Variants in CLEC5A observed in about 807,000 individuals in gnomAD.
CLEC5A encodes C-type lectin domain containing 5A.
In CLEC5A, 15 loss-of-function variants were observed where a neutral mutation model predicts 24.4. That is an observed-to-expected ratio of 0.62 (90% CI 0.41 to 0.95). The LOEUF (loss-of-function observed/expected upper bound fraction) is 0.95. Among genes scored for constraint, CLEC5A ranks in the 40% least tolerant of loss-of-function variants. CLEC5A has a pLI of 0.00. For synonymous variants in CLEC5A, 71 were observed against 72.6 expected, an observed-to-expected ratio of 0.98 and a Z score of 0.11; for missense variants, 211 against 224.0, an observed-to-expected ratio of 0.94 and a Z score of 0.37.
At chr7:141,940,863 A>G (rs541334548) in intron 4 of CLEC5A, among the ~76,000 whole-genome samples, 1 of 152,140 alleles carries the variant, frequency 6.6e-6, no homozygotes, top group East Asian at 1.9e-4. Context: ...CATACAACCT[A>G]CCAAGATTAA....
Position 141,946,917 on chromosome 7 carries a change from C to T in CLEC5A, c.-131G>A, listed in dbSNP as rs1802972749. 6.6e-6 allele frequency: 1 copy of T among 152,268 alleles called. No individual in the cohort carries two copies. The highest frequency in any genetic ancestry group is 2.4e-5 in the African/African-American group (1 of 41,422). The allele number at this position is 152,268 out of a possible 1,614,324, so 9.4% of individuals were successfully genotyped here. A position where few individuals can be genotyped will look rare whatever the true frequency, so the allele number is the denominator to read the frequency against. On this transcript the variant is annotated 5_prime_UTR_variant, in exon 1 of 7. Coordinates refer to ENST00000546910, the MANE Select transcript of CLEC5A (RefSeq NM_013252.3). ...TCTCCTGAGAATATGCTCCTTTTGCCCAAGCAACGTTCTTCCTTCTTCACA... is the reference window on the plus strand; with the variant it reads ...TCTCCTGAGAATATGCTCCTTTTGCTCAAGCAACGTTCTTCCTTCTTCACA...
At chr7:141,938,164 A>G (rs2128961457) in intron 4 of CLEC5A, among the ~76,000 whole-genome samples, 1 of 152,322 alleles carries the variant, frequency 6.6e-6, no homozygotes, top group East Asian at 1.9e-4. Flanking sequence ...TGACCTCACC[A>G]GTTGAGGTAA....
intron 5 of CLEC5A, among the ~76,000 whole-genome samples, chr7:141,932,642 T>C (rs1341946103): frequency 6.6e-6 from 1 of 152,144 alleles, no homozygotes; most frequent in Non-Finnish European, 1.5e-5. Flanking sequence ...ATCTCTCGAG[T>C]GTCTATTATA....
chr7:141,943,233 T>C lies in CLEC5A; in HGVS notation c.208+663A>G, dbSNP rs142807537. ...GTGGTACATATACACAATGGAGTAC[T>C]GTTCAACCATAAAAAAATCAGATCC... On this transcript the variant is annotated intron_variant, in intron 4 of 6. Coordinates refer to ENST00000546910, the MANE Select transcript of CLEC5A (RefSeq NM_013252.3). 2.9e-3 allele frequency among the ~76,000 whole-genome samples: 441 copies of C among 152,312 alleles called. 1 individual carries two copies. The highest frequency in any genetic ancestry group is 0.02 in the Middle Eastern group (6 of 294).
At chr7:141,938,839 T>C (rs1554441368) in intron 4 of CLEC5A, among the ~76,000 whole-genome samples, 3 of 152,184 alleles carry the variant, frequency 2.0e-5, no homozygotes, top group African/African-American at 7.2e-5. Flanking sequence ...GGAAATCTTA[T>C]AGGCCAGGAG....
chr7:141,931,085 C>T (rs1194688235), intron 6 of CLEC5A, among the ~76,000 whole-genome samples: 1 of 152,122 alleles, frequency 6.6e-6, no homozygotes, highest in Admixed American at 6.5e-5. Context: ...GGAGACAGCT[C>T]TTGGGGGTCA....
At position 141,936,188 on chromosome 7, in the gene CLEC5A, C is replaced by G. The variant is rs142293801; in HGVS notation, c.209-238G>C. 101 of 513,142 alleles carry G rather than the reference C, an allele frequency of 2.0e-4. No individual in the cohort carries two copies. In the East Asian group the frequency reaches 2.0e-3, roughly 10 times the overall value. 31.8% of individuals were successfully genotyped at this position (513,142 alleles called of 1,614,324 possible). ...AAAGTTTCCATTAGTCATCCCCCTA[C>G]AGGAACACCAAATTTGACAACTATC... On this transcript the variant is annotated intron_variant, in intron 4 of 6. Transcript: ENST00000546910.
At chr7:141,935,593 G>C (rs538872942) in intron 5 of CLEC5A, among the ~76,000 whole-genome samples, 1 of 152,152 alleles carries the variant, frequency 6.6e-6, no homozygotes, top group Non-Finnish European at 1.5e-5. Flanking sequence ...CACAAGGTGC[G>C]AATTTCTGTG....
intron 5 of CLEC5A, among the ~76,000 whole-genome samples, chr7:141,932,148 G>A (rs1282631499): frequency 5.9e-5 from 9 of 152,188 alleles, no homozygotes; most frequent in Admixed American, 2.6e-4. Context: ...CTGTGAGAAT[G>A]AAGGGGAAGG....
At chr7:141,931,574 G>A (rs2128960228) in intron 6 of CLEC5A, 146 bp downstream of exon 6, 1 of 560,168 alleles carries the variant, frequency 1.8e-6, no homozygotes, top group Admixed American at 3.2e-5. Context: ...ATGTGTCTCA[G>A]GGAATAGATG....
At chr7:141,942,527 G>A (rs1802824585) in intron 4 of CLEC5A, among the ~76,000 whole-genome samples, 1 of 152,122 alleles carries the variant, frequency 6.6e-6, no homozygotes, top group Non-Finnish European at 1.5e-5. Flanking sequence ...AAGATTTCTT[G>A]AGTAATATCC....
intron 4 of CLEC5A, among the ~76,000 whole-genome samples, chr7:141,937,515 A>G (rs1802666181): frequency 6.6e-6 from 1 of 152,174 alleles, no homozygotes; most frequent in Non-Finnish European, 1.5e-5. Context: ...AGGAGGACAG[A>G]ACACCAGGTA....
rs564782128 is a variant in CLEC5A, at chr7:141,931,702, T to C, written c.452+18A>G. 1.7e-5 allele frequency: 22 copies of C among 1,329,802 alleles called. No homozygotes were observed. In the South Asian group the frequency reaches 2.3e-4, roughly 14 times the overall value. 82.4% of individuals were successfully genotyped at this position (1,329,802 alleles called of 1,614,324 possible). On this transcript the variant is annotated intron_variant, in intron 6 of 6. Transcript: ENST00000546910. ...AAGCAAACCAAGATCCCCAGGAAACTGTGGCATGTTCACGTACTTGCCATT... is the reference window on the plus strand; with the variant it reads ...AAGCAAACCAAGATCCCCAGGAAACCGTGGCATGTTCACGTACTTGCCATT...
rs1802951873 is a variant in CLEC5A at position 141,946,240 on chromosome 7, A to G, written c.53T>C (p.Val18Ala). 1.3e-6 allele frequency: 2 copies of G among 1,570,550 alleles called. No homozygotes were observed. The highest frequency in any genetic ancestry group is 1.3e-5 in the African/African-American group (1 of 74,482). ...ATAAAGTAGAAATAAGGTCATTCCA[A>G]CAACTTTAAGCACTACCACAATAAG... ...SGLIVVVLKV[V>A]GMTLFLLYFP... Residue 18 changes from valine to alanine, a missense_variant, in exon 2 of 7, where the codon GTT (valine) becomes GCT (alanine). Transcript: ENST00000546910.
At chr7:141,933,314 G>C (rs1316492491) in intron 5 of CLEC5A, among the ~76,000 whole-genome samples, 9 of 152,070 alleles carry the variant, frequency 5.9e-5, no homozygotes, top group Non-Finnish European at 1.5e-5. Context: ...AACTGTCAGG[G>C]AGAGTATGGA....
chr7:141,944,042 G>T, intron 3 of CLEC5A, 78 bp from the exon 4 acceptor site: 1 of 846,450 alleles, frequency 1.2e-6, no homozygotes, highest in Non-Finnish European at 2.1e-6. Flanking sequence ...TATGGGCTGT[G>T]TGACTCTGAA....
intron 4 of CLEC5A, 95 bp downstream of exon 4, chr7:141,943,801 A>T: frequency 1.1e-6 from 1 of 890,642 alleles, no homozygotes; most frequent in South Asian, 1.4e-5. Flanking sequence ...TGAGCAAAAA[A>T]ATTCCATAAG....
chr7:141,928,750 A>G lies in CLEC5A; in HGVS notation c.*1354T>C, dbSNP rs1554439841. On this transcript the variant is annotated 3_prime_UTR_variant, in exon 7 of 7. Transcript: ENST00000546910. ...AACAATCTTGTTTGGTATACATACA[A>G]TGACATGTACAGTCATTACTGTGCT... The G allele has an allele frequency of 6.6e-6, 1 of 152,224 alleles. No individual in the cohort carries two copies. Among genetic ancestry groups the G allele is most frequent in the African/African-American group, 2.4e-5 (1 of 41,460 alleles). The allele number at this position is 152,224 out of a possible 1,614,324, so 9.4% of individuals were successfully genotyped here. A position where few individuals can be genotyped will look rare whatever the true frequency, so the allele number is the denominator to read the frequency against.
intron 4 of CLEC5A, among the ~76,000 whole-genome samples, chr7:141,939,345 G>A (rs1200763107): frequency 2.0e-5 from 3 of 152,078 alleles, no homozygotes; most frequent in Non-Finnish European, 4.4e-5. Context: ...TGCAAGCAGA[G>A]TTAAGTTGTT....
Sources: allele counts gnomAD v4.1 joint callset (sites outside exome capture counted in the v4.1 genomes callset), GRCh38; gene constraint gnomAD v4.1.1; transcripts MANE v1.5; gene names NCBI Gene and HGNC (gene_info 2026-07-23, HGNC 2026-07-21).